USP34: variants seen among roughly 807,000 people sequenced by gnomAD.
The protein encoded by USP34 is ubiquitin specific peptidase 34.
In USP34, 70 loss-of-function variants were observed where a neutral mutation model predicts 460.3. The ratio of observed to expected loss-of-function variants is 0.15; its 90% confidence interval spans 0.13 to 0.19. The LOEUF is 0.19. Ranked by LOEUF, USP34 falls within the 10% of genes least tolerant of loss-of-function variation. The probability of loss-of-function intolerance (pLI) is 1.00; values close to 1 mark genes in which losing one functional copy is unlikely to be tolerated. For synonymous variants in USP34, 1,647 were observed against 1,405.3 expected, an observed-to-expected ratio of 1.17 and a Z score of -3.85; for missense variants, 3,985 against 4,236.2, an observed-to-expected ratio of 0.94 and a Z score of 1.65.
At chr2:61,416,821 T>TGGGGGGGGGG (rs55720314) in intron 2 of USP34, 1 of 207,104 alleles carries the variant, frequency 4.8e-6, no homozygotes, top group Non-Finnish European at 8.8e-6. Flanking sequence ...TTTTTTTTTT[T>TGGGGGGGGGG]GGGGGGGGGG....
rs1487582741 is a variant in USP34, at chr2:61,239,019, T to C, written c.6777+2541A>G. Among the ~76,000 whole-genome samples, 11 of 151,862 alleles carry C rather than the reference T, an allele frequency of 7.2e-5. No homozygotes were observed. In the East Asian group the frequency reaches 2.1e-3, roughly 29 times the overall value. The stretch of plus-strand genomic sequence containing the variant: ...TTATGGTGATCTATAACCAGTATGA[T>C]TTTTGATGTTACTGTTGTGATTGTT... On this transcript the variant is annotated intron_variant, in intron 53 of 79. Transcript: ENST00000398571.
intron 10 of USP34, among the ~76,000 whole-genome samples, chr2:61,368,786 T>A (rs1336397566): frequency 1.3e-5 from 2 of 152,292 alleles, no homozygotes; most frequent in Non-Finnish European, 2.9e-5. Context: ...TCTCTTATAA[T>A]GTTGTGAATG....
intron 57 of USP34, among the ~76,000 whole-genome samples, chr2:61,234,587 G>A (rs1354512298): frequency 6.6e-6 from 1 of 152,130 alleles, no homozygotes; most frequent in Non-Finnish European, 1.5e-5. Context: ...AGGGATGGAA[G>A]AAATAGGAAG....
chr2:61,313,958 C>T (rs1271311736), intron 25 of USP34, among the ~76,000 whole-genome samples: 3 of 151,984 alleles, frequency 2.0e-5, no homozygotes, highest in African/African-American at 7.2e-5. Context: ...TACATTTGCT[C>T]ATAATTTTTA....
chr2:61,243,930 C>T (rs1688350033), intron 51 of USP34, among the ~76,000 whole-genome samples: 1 of 150,840 alleles, frequency 6.6e-6, no homozygotes, highest in African/African-American at 2.4e-5. Context: ...TTAGTGGTGG[C>T]TTTAGCAGTA....
Position 61,348,760 on chromosome 2 carries a change from G to A in USP34, c.1670C>T (p.Thr557Ile), listed in dbSNP as rs1691849183. 2 of 1,610,106 alleles carry A rather than the reference G, an allele frequency of 1.2e-6. No homozygotes were observed. ...TKHVQQRLSD[T>I]EESMQGSSDE... The stretch of plus-strand genomic sequence containing the variant: ...AAGAAAAACCTATTTTCATACCTCT[G>A]TGTCTGAAAGTCGTTGTTGCACATG... The change falls in exon 14 of 80, where the codon ACA becomes ATA. Residue 557 changes from threonine to isoleucine, a missense_variant. Physicochemically the swap from Thr to Ile is moderately conservative, Grantham distance 89. This residue lies in a region of USP34 where 716 missense variants were observed against 626.2 expected (regional missense o/e 1.14). Coordinates refer to ENST00000398571, the MANE Select transcript of USP34 (RefSeq NM_014709.4).
intron 1 of USP34, among the ~76,000 whole-genome samples, chr2:61,468,793 A>G (rs531816713): frequency 2.6e-5 from 4 of 152,328 alleles, no homozygotes; most frequent in African/African-American, 9.6e-5. Flanking sequence ...CCAAAGTTCT[A>G]GGGGTTTCCC....
intron 1 of USP34, among the ~76,000 whole-genome samples, chr2:61,437,782 T>TAAATAAATAAAG (rs1388992626): frequency 6.8e-6 from 1 of 146,202 alleles, no homozygotes; most frequent in Non-Finnish European, 1.5e-5. Flanking sequence ...CAAAAATAAA[T>TAAATAAATAAAG]AAATAAATAA....
At chr2:61,293,790 C>T (rs1290507837) in intron 32 of USP34, among the ~76,000 whole-genome samples, 6 of 152,082 alleles carry the variant, frequency 3.9e-5, no homozygotes, top group African/African-American at 7.2e-5. Flanking sequence ...CAAAGCCAGA[C>T]GATGGCTTGA....
intron 27 of USP34, among the ~76,000 whole-genome samples, chr2:61,308,565 G>A (rs925986500): frequency 6.6e-6 from 1 of 152,084 alleles, no homozygotes; most frequent in East Asian, 1.9e-4. Context: ...AGAAATCTAT[G>A]AACCATTTCA....
chr2:61,304,868 T>C (rs1384303607), intron 27 of USP34, among the ~76,000 whole-genome samples: 1 of 152,182 alleles, frequency 6.6e-6, no homozygotes, highest in Non-Finnish European at 1.5e-5. Flanking sequence ...TTTAACATAA[T>C]AACTGCTTAT....
intron 10 of USP34, among the ~76,000 whole-genome samples, chr2:61,352,265 A>G (rs1691962933): frequency 6.6e-6 from 1 of 152,074 alleles, no homozygotes; most frequent in Admixed American, 6.6e-5. Context: ...TAACTCTTAC[A>G]TGGTTTTTCT....
At chr2:61,386,548 TGG>T (rs1268542098) in intron 5 of USP34, among the ~76,000 whole-genome samples, 9 of 152,126 alleles carry the variant, frequency 5.9e-5, no homozygotes, top group African/African-American at 2.2e-4. Context: ...CCCAGCACTT[TGG>T]GGAGCCGAGG....
chr2:61,288,306 C>A (rs748798491), intron 34 of USP34, among the ~76,000 whole-genome samples: 2 of 152,208 alleles, frequency 1.3e-5, no homozygotes, highest in Non-Finnish European at 2.9e-5. Context: ...TACCTCACCA[C>A]TCCCTTTTGT....
At chr2:61,218,928 A>G (rs1438780609) in intron 67 of USP34, among the ~76,000 whole-genome samples, 1 of 152,144 alleles carries the variant, frequency 6.6e-6, no homozygotes, top group Admixed American at 6.5e-5. Context: ...CTTCACTGTA[A>G]AGTTACTTCC....
chr2:61,309,880 T>G (rs1418965723), intron 27 of USP34, among the ~76,000 whole-genome samples: 1 of 152,222 alleles, frequency 6.6e-6, no homozygotes, highest in Non-Finnish European at 1.5e-5. Flanking sequence ...TTAGGCTGTA[T>G]ACATCTGTAG....
chr2:61,229,369 C>A (rs1687817792), intron 59 of USP34, among the ~76,000 whole-genome samples, 179 bp downstream of exon 59: 1 of 150,000 alleles, frequency 6.7e-6, no homozygotes, highest in Non-Finnish European at 1.5e-5. Flanking sequence ...TGCCTGTAAT[C>A]CTAGCAATTT....
At chr2:61,223,381 A>T in intron 62 of USP34, 85 bp from the exon 63 acceptor site, 1 of 1,328,742 alleles carries the variant, frequency 7.5e-7, no homozygotes, top group Non-Finnish European at 1.0e-6. Context: ...AAAATTGTTG[A>T]TTCAATTATA....
intron 41 of USP34, among the ~76,000 whole-genome samples, chr2:61,267,996 C>T (rs942720385): frequency 3.3e-5 from 5 of 151,482 alleles, no homozygotes; most frequent in Non-Finnish European, 2.9e-5. Context: ...CCTTGTGATT[C>T]GCCAGCCTCA....
Sources: allele counts gnomAD v4.1 joint callset (sites outside exome capture counted in the v4.1 genomes callset), GRCh38; gene constraint gnomAD v4.1.1; regional missense constraint gnomAD v4.1.1; transcripts MANE v1.5; gene names NCBI Gene and HGNC (gene_info 2026-07-23, HGNC 2026-07-21).